Variants in AVEN observed in about 807,000 individuals in gnomAD.
AVEN encodes the protein cell death regulator Aven.
In AVEN, 41 loss-of-function variants were observed where a neutral mutation model predicts 38.1. That is an observed-to-expected ratio of 1.08 (90% CI 0.84 to 1.40). The LOEUF is 1.40. Ranked by LOEUF, AVEN falls within the 40% of genes most tolerant of loss-of-function variation. The probability of loss-of-function intolerance (pLI) is 0.00; values close to 1 mark genes in which losing one functional copy is unlikely to be tolerated. For synonymous variants in AVEN, 206 were observed against 171.8 expected, an observed-to-expected ratio of 1.20 and a Z score of -1.56; for missense variants, 605 against 438.8, an observed-to-expected ratio of 1.38 and a Z score of -3.38.
At chr15:34,036,666 A>G (rs1899141381) in intron 1 of AVEN, among the ~76,000 whole-genome samples, 1 of 152,222 alleles carries the variant, frequency 6.6e-6, no homozygotes, top group Non-Finnish European at 1.5e-5. Flanking sequence ...TCTGCCCAAC[A>G]TCCCTCCCTC....
chr15:33,970,846 C>A (rs182071784), intron 2 of AVEN, among the ~76,000 whole-genome samples: 1 of 151,990 alleles, frequency 6.6e-6, no homozygotes, highest in African/African-American at 2.4e-5. Flanking sequence ...GTTTCTATAA[C>A]TCACCTTCTA....
chr15:33,990,625 G>A (rs1896680476), intron 2 of AVEN: 1 of 152,168 alleles, frequency 6.6e-6, no homozygotes, highest in Admixed American at 6.5e-5. Flanking sequence ...TGAAAGTACA[G>A]TCTCTGCTAG....
At chr15:34,001,404 T>C (rs181951350) in intron 2 of AVEN, among the ~76,000 whole-genome samples, 27 of 152,288 alleles carry the variant, frequency 1.8e-4, no homozygotes, top group African/African-American at 6.3e-4. Context: ...ACACAACTGA[T>C]TGAATTAAAT....
intron 2 of AVEN, among the ~76,000 whole-genome samples, chr15:33,998,260 C>T (rs1265271255): frequency 6.6e-6 from 1 of 152,162 alleles, no homozygotes; most frequent in Non-Finnish European, 1.5e-5. Context: ...CACCCCTCCC[C>T]TTATGATTTT....
intron 2 of AVEN, among the ~76,000 whole-genome samples, chr15:33,911,633 G>A (rs1403917090): frequency 1.3e-5 from 2 of 152,054 alleles, no homozygotes; most frequent in African/African-American, 2.4e-5. Flanking sequence ...TCTGAGCCAC[G>A]AACTGAGACT....
upstream of AVEN, among the ~76,000 whole-genome samples, chr15:34,044,091 A>G (rs980615575): frequency 1.7e-4 from 26 of 151,834 alleles, no homozygotes; most frequent in African/African-American, 5.6e-4. Flanking sequence ...CCCTTTAAAA[A>G]AAATGAAAAA....
chr15:34,052,360 G>T (rs1899954261), intron 5 of AVEN, among the ~76,000 whole-genome samples: 1 of 151,968 alleles, frequency 6.6e-6, no homozygotes, highest in Admixed American at 6.6e-5. Flanking sequence ...AATAATAAAA[G>T]CCACCTGTGA....
chr15:33,890,155 A>G (rs1891876993), intron 2 of AVEN, among the ~76,000 whole-genome samples: 1 of 152,154 alleles, frequency 6.6e-6, no homozygotes, highest in Non-Finnish European at 1.5e-5. Context: ...TCCTCAAGGG[A>G]TAATACACAT....
intron 2 of AVEN, among the ~76,000 whole-genome samples, chr15:33,921,691 A>G (rs1461753460): frequency 6.6e-6 from 1 of 152,262 alleles, no homozygotes; most frequent in East Asian, 1.9e-4. Context: ...GGGTTTGAGC[A>G]TCAGAAAGGC....
chr15:33,854,445 A>G, downstream of AVEN: 1 of 1,572,096 alleles, frequency 6.4e-7, no homozygotes. Context: ...GTTTTTACTG[A>G]CAACGTAAGT....
rs920907231 is a variant in AVEN at position 33,905,154 on chromosome 15, A to C, written c.446-29159T>G. Among the ~76,000 whole-genome samples the C allele has an allele frequency of 1.3e-4, 17 of 128,330 alleles. No homozygotes were observed. In the South Asian group the frequency reaches 4.2e-3, roughly 31 times the overall value. 84.2% of individuals were successfully genotyped at this position (128,330 alleles called of 152,430 possible). On this transcript the variant is annotated intron_variant, in intron 2 of 5. Transcript: ENST00000306730. ...CCAAAAAAAAAAAAAAAAAAAAAAA[A>C]CTACTTTTGTTTCCCAACTAATTAG... is the stretch of plus-strand genomic sequence containing the variant.
chr15:33,853,211 G>T, the AVEN span: 2 of 972,466 alleles, frequency 2.1e-6, no homozygotes, highest in Non-Finnish European at 3.0e-6. Flanking sequence ...CTCAAGAAGA[G>T]TAAGTCACAG....
At chr15:33,947,607 C>T (rs994481805) in intron 2 of AVEN, among the ~76,000 whole-genome samples, 1 of 152,100 alleles carries the variant, frequency 6.6e-6, no homozygotes, top group Non-Finnish European at 1.5e-5. Flanking sequence ...ATACAACATC[C>T]TCCTGTACAC....
At chr15:34,061,906 G>C (rs1027633089) in intron 5 of AVEN, among the ~76,000 whole-genome samples, 90 of 152,298 alleles carry the variant, frequency 5.9e-4, no homozygotes, top group African/African-American at 1.9e-3. Flanking sequence ...CTATAGAATA[G>C]ATACCACTTT....
chr15:33,973,196 T>C (rs1215815058), intron 2 of AVEN, among the ~76,000 whole-genome samples: 1 of 152,236 alleles, frequency 6.6e-6, no homozygotes, highest in African/African-American at 2.4e-5. Context: ...GCCTTCTTAT[T>C]TCCTGATTAT....
chr15:33,999,586 C>G (rs1897060860), intron 2 of AVEN, among the ~76,000 whole-genome samples: 1 of 152,132 alleles, frequency 6.6e-6, no homozygotes, highest in Non-Finnish European at 1.5e-5. Context: ...GTCATCCTTA[C>G]GTATCTTTTT....
intron 2 of AVEN, among the ~76,000 whole-genome samples, chr15:33,887,915 G>A (rs768933629): frequency 3.3e-5 from 5 of 151,938 alleles, no homozygotes; most frequent in Admixed American, 6.6e-5. Context: ...CAAAGCTTCC[G>A]GGTCCAATGC....
rs1453574027 is a variant in AVEN at position 34,038,830 on chromosome 15, G to C, written c.217C>G (p.Arg73Gly). Residue 73 changes from arginine to glycine, a missense_variant, in exon 1 of 6, where the codon CGA (arginine) becomes GGA (glycine). Physicochemically the swap from Arg to Gly is moderately radical, Grantham distance 125 (BLOSUM62 -2). Coordinates refer to ENST00000306730, the MANE Select transcript of AVEN (RefSeq NM_020371.3). The part of the protein sequence containing the change: ...RGGRGGGGAP[R>G]GSRREPGGWG... ...CCTCCCGGCTCCCGGCGGCTGCCTC[G>C]CGGGGCGCCTCCTCCTCCTCGGCCT... 1.7e-6 allele frequency: 2 copies of C among 1,189,400 alleles called. No homozygotes were observed. The highest frequency in any genetic ancestry group is 2.1e-6 in the Non-Finnish European group (2 of 961,052). 73.7% of individuals were successfully genotyped at this position (1,189,400 alleles called of 1,614,324 possible). A position where few individuals can be genotyped will look rare whatever the true frequency, so the allele number is the denominator to read the frequency against.
At chr15:33,877,255 C>T (rs1007605849) in intron 2 of AVEN, among the ~76,000 whole-genome samples, 1 of 152,010 alleles carries the variant, frequency 6.6e-6, no homozygotes, top group Non-Finnish European at 1.5e-5. Flanking sequence ...TAACTGAAAG[C>T]CAGGATTATA....
Sources: gnomAD v4.1 joint callset for allele counts (sites outside exome capture counted in the v4.1 genomes callset) on GRCh38, gnomAD v4.1.1 for gene constraint, MANE v1.5 for transcripts, NCBI Gene and HGNC (gene_info 2026-07-23, HGNC 2026-07-21) for gene names.